The following FOXK1 variants were observed in gnomAD, a reference collection of about 807,000 sequenced individuals.
FOXK1 encodes the protein forkhead box protein K1.
A neutral mutation model predicts 51.9 loss-of-function variants in FOXK1; 19 were observed. The ratio of observed to expected loss-of-function variants is 0.37; its 90% CI spans 0.26 to 0.54. The LOEUF is 0.54. FOXK1 is among the 20% of genes least tolerant of loss of function. FOXK1 has a pLI of 0.87. For missense variants in FOXK1, 870 were observed against 1,032.7 expected, an observed-to-expected ratio of 0.84 and a Z score of 2.16; for synonymous variants, 537 against 482.6, an observed-to-expected ratio of 1.11 and a Z score of -1.48.
chr7:4,742,075 C>T (rs1010115117), intron 2 of FOXK1, among the ~76,000 whole-genome samples: 1 of 152,278 alleles, frequency 6.6e-6, no homozygotes, highest in African/African-American at 2.4e-5. Context: ...CGTGGCTGCG[C>T]GTGGTTTGGT....
In FOXK1 at chr7:4,755,925, T is replaced by C. The variant is rs1780845380; in HGVS notation, c.1050+542T>C. Reference sequence around the variant, plus strand: ...TCTACACCTTGTTAGATTTTTGTGCTTGCTGTGCCTCACAATCCCACGTTA... The same window carrying C: ...TCTACACCTTGTTAGATTTTTGTGCCTGCTGTGCCTCACAATCCCACGTTA... On this transcript the variant is annotated intron_variant, in intron 4 of 8. Coordinates refer to ENST00000328914, the MANE Select transcript of FOXK1 (RefSeq NM_001037165.2). The surrounding 1 kb of genome is among the most constrained non-coding windows in gnomAD (Gnocchi z 6.6). Among the ~76,000 whole-genome samples the C allele has an allele frequency of 6.6e-6, 1 of 152,202 alleles. No homozygotes were observed.
chr7:4,754,368 C>G, intron 2 of FOXK1, 91 bp from the exon 3 acceptor site: 1 of 1,442,254 alleles, frequency 6.9e-7, no homozygotes, highest in Admixed American at 2.0e-5. Flanking sequence ...TTCCCCACAG[C>G]CCCACCCTCT....
Position 4,709,232 on chromosome 7 carries a change from C to T in FOXK1, c.560+26364C>T, listed in dbSNP as rs1031465970. Among the ~76,000 whole-genome samples, 3 of 152,122 alleles carry T rather than the reference C, an allele frequency of 2.0e-5. No individual in the cohort carries two copies. The highest frequency in any genetic ancestry group is 7.2e-5 in the African/African-American group (3 of 41,456). On this transcript the variant is annotated intron_variant, in intron 1 of 8. Transcript: ENST00000328914. This position sits in a 1 kb window ranked among gnomAD's most constrained non-coding sequence, Gnocchi z 5.6. ...CTTACCCACGCTATTTGCTGCCTGGCATCCCCACCCTGTCATCCCGAGAAT... is the reference window on the plus strand; with the variant it reads ...CTTACCCACGCTATTTGCTGCCTGGTATCCCCACCCTGTCATCCCGAGAAT...
At chr7:4,716,177 C>T (rs917771694) in intron 1 of FOXK1, among the ~76,000 whole-genome samples, 11 of 151,308 alleles carry the variant, frequency 7.3e-5, no homozygotes, top group South Asian at 2.1e-4. Context: ...GTTGAGATTG[C>T]GCCTCTGCAC....
intron 1 of FOXK1, among the ~76,000 whole-genome samples, chr7:4,690,386 G>C (rs1779876619): frequency 6.6e-6 from 1 of 152,240 alleles, no homozygotes. Context: ...TGTTTTGCTA[G>C]TTGGCAGTTT....
intron 1 of FOXK1, among the ~76,000 whole-genome samples, chr7:4,697,082 A>G (rs993124000): frequency 1.3e-5 from 2 of 152,110 alleles, no homozygotes; most frequent in African/African-American, 4.8e-5. Context: ...AAGCAAAAAA[A>G]AGAAAATGCC....
In FOXK1 at chr7:4,740,899, G is replaced by A. The variant is rs767698529; in HGVS notation, c.622G>A (p.Glu208Lys). The change falls in exon 2 of 9, where the codon GAA (glutamate) becomes AAA (lysine). Residue 208 changes from glutamate (E) to lysine (K), a missense_variant. Glu to Lys is a moderately conservative substitution (Grantham distance 56, BLOSUM62 1). Around this residue, in one of 3 missense-constraint regions of FOXK1, gnomAD observed 399 missense variants for 475.6 expected, o/e 0.84. Transcript: ENST00000328914. The part of the protein sequence containing the change: ...KIQFTSLYHK[E>K]EAPASPLRPL... ...CCAGTTCACGTCGCTCTATCACAAA[G>A]AAGAGGCCCCAGCCTCCCCGCTGCG... 1.9e-6 allele frequency: 3 copies of A among 1,592,872 alleles called. No individual in the cohort carries two copies. The highest frequency in any genetic ancestry group is 2.6e-6 in the Non-Finnish European group (3 of 1,171,088).
chr7:4,685,797 G>T lies in FOXK1; in HGVS notation c.560+2929G>T, dbSNP rs185803145. ...GTCTCTACTAAAAATACAAAAATTA[G>T]CTTGGCGTGGTGGATCACGCCTGTA... is the stretch of plus-strand genomic sequence containing the variant. On this transcript the variant is annotated intron_variant, in intron 1 of 8. Coordinates refer to ENST00000328914, the MANE Select transcript of FOXK1 (RefSeq NM_001037165.2). Among the ~76,000 whole-genome samples, 15 of 151,950 alleles carry T rather than the reference G, an allele frequency of 9.9e-5. No individual in the cohort carries two copies. The East Asian group carries it at 2.0e-3, about 20-fold the overall frequency.
rs1223132241 is a variant in FOXK1, at chr7:4,715,381, T to C, written c.561-25457T>C. On this transcript the variant is annotated intron_variant, in intron 1 of 8. Coordinates refer to ENST00000328914, the MANE Select transcript of FOXK1 (RefSeq NM_001037165.2). The surrounding 1 kb of genome is among the most constrained non-coding windows in gnomAD (Gnocchi z 4.5). ...AGGGCGCTCAGCTGTGGGTGGCCCGTGTACAGGAATGGGATCGCACGGTGG... is the reference window on the plus strand; with the variant it reads ...AGGGCGCTCAGCTGTGGGTGGCCCGCGTACAGGAATGGGATCGCACGGTGG... 1.3e-5 allele frequency among the ~76,000 whole-genome samples: 2 copies of C among 152,082 alleles called. No homozygotes were observed. Among genetic ancestry groups the C allele is most frequent in the African/African-American group, 4.8e-5 (2 of 41,412 alleles).
chr7:4,689,863 C>G (rs1423898731), intron 1 of FOXK1, among the ~76,000 whole-genome samples: 1 of 152,188 alleles, frequency 6.6e-6, no homozygotes, highest in Non-Finnish European at 1.5e-5. Context: ...ACCCAGTCCC[C>G]TTAGGTGACC....
Position 4,723,291 on chromosome 7 carries a change from C to T in FOXK1, c.561-17547C>T, listed in dbSNP as rs1780338722. Among the ~76,000 whole-genome samples, 1 of 152,006 alleles carries T rather than the reference C, an allele frequency of 6.6e-6. No homozygotes were observed. ...CCTGAAGGATGTGGCTGCTGCCCGA[C>T]TCCAGAGTGACAAATATAGCAAAAG... is the stretch of plus-strand genomic sequence containing the variant. On this transcript the variant is annotated intron_variant, in intron 1 of 8. Transcript: ENST00000328914. This position sits in a 1 kb window ranked among gnomAD's most constrained non-coding sequence, Gnocchi z 4.7.
At position 4,700,798 on chromosome 7, in the gene FOXK1, C is replaced by T. The variant is rs146129029; in HGVS notation, c.560+17930C>T. Among the ~76,000 whole-genome samples, 1,429 of 152,284 alleles carry T rather than the reference C, an allele frequency of 9.4e-3. 20 individuals are homozygous for T. The highest frequency in any genetic ancestry group is 0.023 in the Admixed American group (346 of 15,288). On this transcript the variant is annotated intron_variant, in intron 1 of 8. Coordinates refer to ENST00000328914, the MANE Select transcript of FOXK1 (RefSeq NM_001037165.2). ...CACCACTACACTGCAGCCTGGGCAACAGAGCAAGACCCTGTCTCAAAAAAC... is the reference window on the plus strand; with the variant it reads ...CACCACTACACTGCAGCCTGGGCAATAGAGCAAGACCCTGTCTCAAAAAAC...
Position 4,764,124 on chromosome 7 carries a change from CA to C in FOXK1, c.*1663del, listed in dbSNP as rs1416746170. 6.6e-6 allele frequency: 1 copy of C among 152,558 alleles called. No individual in the cohort carries two copies. Among genetic ancestry groups the C allele is most frequent in the African/African-American group, 2.4e-5 (1 of 41,468 alleles). 9.5% of individuals were successfully genotyped at this position (152,558 alleles called of 1,614,324 possible). A position where few individuals can be genotyped will look rare whatever the true frequency, so the allele number is the denominator to read the frequency against. On this transcript the variant is annotated 3_prime_UTR_variant, in exon 9 of 9. Transcript: ENST00000328914. ...CTGAAGAAGAAGGGAGAACACTTTT[CA>C]AAGTGATTCCGAGGCAGTGCGGGAG...
intron 1 of FOXK1, among the ~76,000 whole-genome samples, chr7:4,721,975 G>A (rs562885932): frequency 3.9e-5 from 6 of 152,162 alleles, no homozygotes; most frequent in East Asian, 1.9e-4. Context: ...CAGGAGTAAC[G>A]GGGACGCGCA....
chr7:4,759,223 G>T lies in FOXK1; in HGVS notation c.1411+6G>T, dbSNP rs772204773. 1.2e-6 allele frequency: 2 copies of T among 1,611,842 alleles called. No individual in the cohort carries two copies. The highest frequency in any genetic ancestry group is 8.5e-7 in the Non-Finnish European group (1 of 1,179,768). ...GTATTCCCAAAGCGCACCCGGTAAG[G>T]AGCGGGCGGCCCTCTTGCGGGGCGG... On this transcript the variant is annotated splice_donor_region_variant and intron_variant, in intron 6 of 8. Transcript: ENST00000328914.
intron 1 of FOXK1, among the ~76,000 whole-genome samples, chr7:4,721,589 CTTTTTT>C (rs200132324): frequency 4.4e-5 from 5 of 112,652 alleles, no homozygotes; most frequent in African/African-American, 1.6e-4. Flanking sequence ...TCTTTTTTTT[CTTTTTT>C]TTTTTTTTTT....
Position 4,715,255 on chromosome 7 carries a change from T to C in FOXK1, c.561-25583T>C, listed in dbSNP as rs1780220198. Among the ~76,000 whole-genome samples, 1 of 151,922 alleles carries C rather than the reference T, an allele frequency of 6.6e-6. No homozygotes were observed. The highest frequency in any genetic ancestry group is 6.6e-5 in the Admixed American group (1 of 15,240). The stretch of plus-strand genomic sequence containing the variant: ...CGGGCATGGCGAAATTGTGATACGG[T>C]GCATGGTGTTTTGTTTCAAGGAGAG... On this transcript the variant is annotated intron_variant, in intron 1 of 8. Transcript: ENST00000328914. The surrounding 1 kb of genome is among the most constrained non-coding windows in gnomAD (Gnocchi z 4.5).
In FOXK1 at chr7:4,682,728, G is replaced by A; in HGVS notation, c.420G>A (p.Leu140=). The change falls in exon 1 of 9, where the codon CTG becomes CTA. Residue 140 remains leucine (L), a synonymous_variant. Transcript: ENST00000328914. This position sits in a 1 kb window ranked among gnomAD's most constrained non-coding sequence, Gnocchi z 7.6. ...SQGSVDLSMG[L]SSFISRRHLQ... ...GCTCGGTGGACTTGAGCATGGGCCT[G>A]TCCAGCTTCATCTCGCGGCGCCACC... 6.2e-7 allele frequency: 1 copy of A among 1,604,690 alleles called. No homozygotes were observed. Among genetic ancestry groups the A allele is most frequent in the South Asian group, 1.1e-5 (1 of 90,474 alleles).
intron 1 of FOXK1, among the ~76,000 whole-genome samples, chr7:4,737,323 G>A (rs1370802713): frequency 2.0e-5 from 3 of 152,246 alleles, no homozygotes; most frequent in Non-Finnish European, 4.4e-5. Context: ...TGCAGTGGTT[G>A]AGGGAACTGG....
Sources: allele counts gnomAD v4.1 joint callset (sites outside exome capture counted in the v4.1 genomes callset), GRCh38; gene constraint gnomAD v4.1.1; regional missense constraint gnomAD v4.1.1; non-coding constraint Gnocchi (gnomAD v3.1); transcripts MANE v1.5; gene names NCBI Gene and HGNC (gene_info 2026-07-23, HGNC 2026-07-21).